KLHDC4: variants seen among roughly 807,000 people sequenced by gnomAD.
KLHDC4 encodes kelch domain containing 4.
In KLHDC4, 90 loss-of-function variants were observed where a neutral mutation model predicts 62.4. The observed-to-expected ratio is 1.44, with a 90% CI of 1.22 to 1.72. KLHDC4 has a LOEUF of 1.72. Ranked by LOEUF, KLHDC4 falls within the 40% of genes most tolerant of loss-of-function variation. The pLI is 0.00. For missense variants in KLHDC4, 1,025 were observed against 699.7 expected (o/e 1.47, Z -5.25); for synonymous variants, 386 against 284.4 (o/e 1.36, Z -3.59).
intron 4 of KLHDC4, among the ~76,000 whole-genome samples, chr16:87,752,525 CG>C (rs1189936224): frequency 3.3e-5 from 5 of 151,880 alleles, no homozygotes; most frequent in African/African-American, 1.2e-4. Flanking sequence ...TTAGTAGAGA[CG>C]GGGTTTCACC....
At chr16:87,751,043 G>A (rs1337693323) in intron 4 of KLHDC4, 8 of 152,238 alleles carry the variant, frequency 5.3e-5, no homozygotes, top group Non-Finnish European at 1.0e-4. Flanking sequence ...ATGCCACACA[G>A]TAAATAGAGT....
At position 87,756,413 on chromosome 16, in the gene KLHDC4, A is replaced by G; in HGVS notation, c.256T>C (p.Phe86Leu). Residue 86 changes from phenylalanine (F) to leucine (L), a missense_variant, in exon 3 of 12, where the codon TTC becomes CTC. Transcript: ENST00000270583. ...DELILFGGEY[F>L]NGQKTFLYNE... Reference sequence around the variant, plus strand: ...ATATACTTTACTTTTTGGCCGTTGAAATATTCACCTCCAAAAAGGATTAAC... The same window carrying G: ...ATATACTTTACTTTTTGGCCGTTGAGATATTCACCTCCAAAAAGGATTAAC... 6.2e-7 allele frequency: 1 copy of G among 1,612,854 alleles called. No homozygotes were observed. The highest frequency in any genetic ancestry group is 8.5e-7 in the Non-Finnish European group (1 of 1,178,856).
Position 87,708,421 on chromosome 16 carries a change from T to A in KLHDC4, c.1493A>T (p.Glu498Val). The change falls in exon 11 of 12, where the codon GAG becomes GTG. Residue 498 changes from glutamate to valine, a missense_variant. Coordinates refer to ENST00000270583, the MANE Select transcript of KLHDC4 (RefSeq NM_017566.4). ...LEETDSEEDS[E>V]EVEGAEGGVD... ...CCCACCCTCGGCGCCCTCAACCTCC[T>A]CACTGTCCTCTTCCGAGTCCGTCTC... is the stretch of plus-strand genomic sequence containing the variant. 6.2e-7 allele frequency: 1 copy of A among 1,611,892 alleles called. No homozygotes were observed. The highest frequency in any genetic ancestry group is 8.5e-7 in the Non-Finnish European group (1 of 1,179,416).
Position 87,707,955 on chromosome 16 carries a change from C to T in KLHDC4, c.*122G>A, listed in dbSNP as rs2034972554. 1 of 468,966 alleles carries T rather than the reference C, an allele frequency of 2.1e-6. No individual in the cohort carries two copies. The highest frequency in any genetic ancestry group is 4.2e-6 in the Non-Finnish European group (1 of 235,638). The allele number at this position is 468,966 out of a possible 1,614,324, so 29.1% of individuals were successfully genotyped here. ...AGTTCACACCCTGGCCTGGGCCACCCACCTTCAGCTCTCTCCTGTGCGTCA... is the reference window on the plus strand; with the variant it reads ...AGTTCACACCCTGGCCTGGGCCACCTACCTTCAGCTCTCTCCTGTGCGTCA... On this transcript the variant is annotated 3_prime_UTR_variant, in exon 12 of 12. Coordinates refer to ENST00000270583, the MANE Select transcript of KLHDC4 (RefSeq NM_017566.4).
At position 87,717,216 on chromosome 16, in the gene KLHDC4, G is replaced by A. The variant is rs145568108; in HGVS notation, c.760-2643C>T. Among the ~76,000 whole-genome samples the A allele has an allele frequency of 1.5e-3, 224 of 152,336 alleles. 2 individuals are homozygous for A. In the East Asian group the frequency reaches 0.016, roughly 11 times the overall value. ...ACTGCACTCCAGCCTGGACGACAGAGTGAGACTTCTCAAAAATTAAAAAAA... is the reference window on the plus strand; with the variant it reads ...ACTGCACTCCAGCCTGGACGACAGAATGAGACTTCTCAAAAATTAAAAAAA... On this transcript the variant is annotated intron_variant, in intron 7 of 11. Coordinates refer to ENST00000270583, the MANE Select transcript of KLHDC4 (RefSeq NM_017566.4).
intron 4 of KLHDC4, among the ~76,000 whole-genome samples, chr16:87,752,723 C>T (rs970471123): frequency 1.3e-5 from 2 of 152,150 alleles, no homozygotes; most frequent in Non-Finnish European, 2.9e-5. Context: ...CAAAGGCAGG[C>T]TGATCAGCAG....
chr16:87,750,181 C>G lies in KLHDC4; in HGVS notation c.370-1372G>C, dbSNP rs369654285. On this transcript the variant is annotated intron_variant, in intron 4 of 11. Transcript: ENST00000270583. ...TGGAAAGAGCTGCTTGGACAGACTGCTGGGCTACAAGCAATGGCAGAGACC... is the reference window on the plus strand; with the variant it reads ...TGGAAAGAGCTGCTTGGACAGACTGGTGGGCTACAAGCAATGGCAGAGACC... 7.2e-5 allele frequency: 11 copies of G among 152,270 alleles called. No individual in the cohort carries two copies. In the East Asian group the frequency reaches 2.1e-3, roughly 29 times the overall value. 9.4% of individuals were successfully genotyped at this position (152,270 alleles called of 1,614,324 possible). A position where few individuals can be genotyped will look rare whatever the true frequency, so the allele number is the denominator to read the frequency against.
At chr16:87,744,518 G>C (rs1041014029) in intron 5 of KLHDC4, among the ~76,000 whole-genome samples, 6 of 151,924 alleles carry the variant, frequency 3.9e-5, no homozygotes, top group Non-Finnish European at 8.8e-5. Flanking sequence ...GCGAGGTGGA[G>C]GTTGTAGTGA....
At chr16:87,727,398 GGAT>G (rs1378239223) in intron 6 of KLHDC4, among the ~76,000 whole-genome samples, 1 of 152,220 alleles carries the variant, frequency 6.6e-6, no homozygotes, top group Non-Finnish European at 1.5e-5. Context: ...GCCTCCAAAG[GGAT>G]GATCAGAACG....
rs1391734156 is a variant in KLHDC4, at chr16:87,765,476, T to A, written c.99+316A>T. The A allele has an allele frequency of 4.8e-5, 24 of 498,908 alleles. No individual in the cohort carries two copies. In the Admixed American group the frequency reaches 6.0e-4, roughly 12 times the overall value. 30.9% of individuals were successfully genotyped at this position (498,908 alleles called of 1,614,324 possible). A position where few individuals can be genotyped will look rare whatever the true frequency, so the allele number is the denominator to read the frequency against. ...CCCTCTTCTCACCACCCAGCCTCCC[T>A]TCAGAGGGAGGGTGGAGGGAGAAGG... On this transcript the variant is annotated intron_variant, in intron 1 of 11. Transcript: ENST00000270583.
chr16:87,727,060 T>C, intron 6 of KLHDC4, 136 bp from the exon 7 acceptor site: 2 of 862,982 alleles, frequency 2.3e-6, no homozygotes, highest in Non-Finnish European at 1.8e-6. Flanking sequence ...TCCTCTGCTC[T>C]TACACCAACA....
intron 8 of KLHDC4, 128 bp downstream of exon 8, chr16:87,714,370 G>A: frequency 1.0e-6 from 1 of 972,166 alleles, no homozygotes; most frequent in Non-Finnish European, 1.3e-6. Context: ...AGCCATCTCG[G>A]CAGGCCCTCC....
chr16:87,764,907 G>A (rs565937925), intron 1 of KLHDC4, among the ~76,000 whole-genome samples: 1 of 151,970 alleles, frequency 6.6e-6, no homozygotes, highest in African/African-American at 2.4e-5. Context: ...TAAGAGATGA[G>A]GACATGGAGA....
chr16:87,739,649 A>ATCCACACACCAGCACCTCATC lies in KLHDC4; in HGVS notation c.507-9006_507-9005insGATGAGGTGCTGGTGTGTGGA, dbSNP rs1567762219. Reference sequence around the variant, plus strand: ...ATCCATCCACACACCAGCACGTCATACATCCACACACCAGCACCTCATCTG... The same window carrying ATCCACACACCAGCACCTCATC: ...ATCCATCCACACACCAGCACGTCATATCCACACACCAGCACCTCATCCATCCACACACCAGCACCTCATCTG... On this transcript the variant is annotated intron_variant, in intron 5 of 11. Transcript: ENST00000270583. The ATCCACACACCAGCACCTCATC allele has an allele frequency of 8.8e-5, 12 of 136,752 alleles. No individual in the cohort carries two copies. The East Asian group carries it at 9.1e-4, about 10-fold the overall frequency. 8.5% of individuals were successfully genotyped at this position (136,752 alleles called of 1,614,324 possible).
At chr16:87,746,315 GAA>G (rs1299233778) in intron 5 of KLHDC4, among the ~76,000 whole-genome samples, 1 of 151,416 alleles carries the variant, frequency 6.6e-6, no homozygotes, top group East Asian at 1.9e-4. Context: ...GAGAGAGAGA[GAA>G]AAGAGACAGA....
At chr16:87,727,152 C>G (rs896201443) in intron 6 of KLHDC4, among the ~76,000 whole-genome samples, 5 of 146,814 alleles carry the variant, frequency 3.4e-5, no homozygotes, top group African/African-American at 1.3e-4. Flanking sequence ...TCAATCTTGA[C>G]GCAATCTACC....
chr16:87,721,414 T>TTA (rs1348015584), intron 7 of KLHDC4, among the ~76,000 whole-genome samples: 1,805 of 78,948 alleles, frequency 0.023, 100 homozygotes, highest in African/African-American at 0.088. Context: ...ACTCTGTCTC[T>TTA]AAAAAAAAAA....
At chr16:87,718,517 G>A (rs888523749) in intron 7 of KLHDC4, among the ~76,000 whole-genome samples, 2 of 150,242 alleles carry the variant, frequency 1.3e-5, no homozygotes, top group East Asian at 1.9e-4. Context: ...TTGCAGGCAC[G>A]CGCCGCCACG....
At chr16:87,711,571 A>C in intron 8 of KLHDC4, 128 bp from the exon 9 acceptor site, 1 of 717,034 alleles carries the variant, frequency 1.4e-6, no homozygotes, top group East Asian at 2.7e-5. Context: ...ACTGTGGGCA[A>C]AAACTCTGCT....
Sources: gnomAD v4.1 joint callset for allele counts (sites outside exome capture counted in the v4.1 genomes callset) on GRCh38, gnomAD v4.1.1 for gene constraint, MANE v1.5 for transcripts, NCBI Gene and HGNC (gene_info 2026-07-23, HGNC 2026-07-21) for gene names.